APOBEC3H: variants seen among roughly 807,000 people sequenced by gnomAD.
APOBEC3H encodes the protein apolipoprotein B mRNA editing enzyme catalytic subunit 3H, also known as DNA dC->dU-editing enzyme APOBEC-3H.
In APOBEC3H, 8 loss-of-function variants were observed where a neutral mutation model predicts 21.2. That is an observed-to-expected ratio of 0.38 (90% CI 0.22 to 0.68). The LOEUF (loss-of-function observed/expected upper bound fraction) is 0.68. Among genes scored for constraint, APOBEC3H ranks in the 30% least tolerant of loss-of-function variants. The pLI is 0.52. For synonymous variants in APOBEC3H, 88 were observed against 91.0 expected, an observed-to-expected ratio of 0.97 and a Z score of 0.19; for missense variants, 229 against 228.1, an observed-to-expected ratio of 1.00 and a Z score of -0.03.
intron 1 of APOBEC3H, among the ~76,000 whole-genome samples, chr22:39,099,756 G>C (rs1247227967): frequency 6.6e-6 from 1 of 152,134 alleles, no homozygotes; most frequent in Non-Finnish European, 1.5e-5. Context: ...AGGTGGGAGG[G>C]AGCACTCCCC....
chr22:39,100,356 GA>G lies in APOBEC3H; in HGVS notation c.80del (p.Lys27ArgfsTer8). The G allele has an allele frequency of 1.2e-6, 2 of 1,614,102 alleles. No individual in the cohort carries two copies. Among genetic ancestry groups the G allele is most frequent in the Non-Finnish European group, 1.7e-6 (2 of 1,179,976 alleles). On this transcript the variant is annotated frameshift_variant, in exon 2 of 5. Coordinates refer to ENST00000442487, the MANE Select transcript of APOBEC3H (RefSeq NM_181773.5). LOFTEE classifies it high-confidence loss of function. ...RRLRRPYYPR[K>X]ALLCYQLTPQ... is the part of the protein sequence containing the mutation. Reference sequence around the variant, plus strand: ...GCCTCAGAAGGCCTTACTACCCGAGGAAGGCCCTCTTGTGTTACCAGCTGAC... The same window carrying G: ...GCCTCAGAAGGCCTTACTACCCGAGGAGGCCCTCTTGTGTTACCAGCTGAC...
intron 3 of APOBEC3H, 104 bp downstream of exon 3, chr22:39,101,608 GC>G: frequency 2.6e-6 from 1 of 388,826 alleles, no homozygotes; most frequent in South Asian, 2.1e-5. Context: ...TTGGCGGGGG[GC>G]GGGGGCGGGT....
At chr22:39,103,580 G>C in intron 4 of APOBEC3H, 109 bp from the exon 5 acceptor site, 2 of 1,200,276 alleles carry the variant, frequency 1.7e-6, no homozygotes, top group Non-Finnish European at 2.5e-6. Flanking sequence ...GGGCCCTTCT[G>C]GTGCCAGTTC....
Position 39,101,954 on chromosome 22 carries a change from A to G in APOBEC3H, c.455A>G (p.Glu152Gly), listed in dbSNP as rs545231426. 2.2e-5 allele frequency: 35 copies of G among 1,613,868 alleles called. No individual in the cohort carries two copies. In the South Asian group the frequency reaches 3.5e-4, roughly 16 times the overall value. The change falls in exon 4 of 5, where the codon GAG (glutamate) becomes GGG (glycine). Residue 152 changes from glutamate (E) to glycine (G), a missense_variant. By Grantham distance (98) the Glu-to-Gly change is moderately conservative. Transcript: ENST00000442487. The part of the protein sequence containing the change: ...ADCWENFVDH[E>G]KPLSFNPYKM... ...TGCTGGGAAAACTTTGTGGACCACG[A>G]GAAACCGCTTTCCTTCAACCCCTAT...
intron 1 of APOBEC3H, among the ~76,000 whole-genome samples, chr22:39,097,559 C>G (rs1239322953): frequency 1.3e-5 from 2 of 152,242 alleles, no homozygotes; most frequent in African/African-American, 4.8e-5. Context: ...CGGCCTGCAC[C>G]AGCCCAAGAC....
intron 3 of APOBEC3H, among the ~76,000 whole-genome samples, 172 bp from the exon 4 acceptor site, chr22:39,101,746 G>A (rs1929365920): frequency 6.6e-6 from 1 of 150,500 alleles, no homozygotes; most frequent in Admixed American, 6.6e-5. Flanking sequence ...GGCCAGGAAG[G>A]AAGGATTGTG....
intron 4 of APOBEC3H, chr22:39,102,724 A>C: frequency 1.7e-6 from 1 of 576,024 alleles, no homozygotes; most frequent in South Asian, 1.9e-5. Flanking sequence ...TAACTCGGCC[A>C]GGCACAGTGG....
rs1929505360 is a variant in APOBEC3H at position 39,103,865 on chromosome 22, C to T, written c.*168C>T. On this transcript the variant is annotated 3_prime_UTR_variant, in exon 5 of 5. Transcript: ENST00000442487. ...GCTCCACAGTGCCAGTTCCTTGCCC[C>T]AACCTGGCCCCATCCAAGTACAGAA... The T allele has an allele frequency of 1.2e-6, 1 of 815,516 alleles. No individual in the cohort carries two copies. The highest frequency in any genetic ancestry group is 1.9e-5 in the Admixed American group (1 of 52,412). The allele number at this position is 815,516 out of a possible 1,614,324, so 50.5% of individuals were successfully genotyped here.
At chr22:39,100,610 C>T (rs1929257889) in intron 2 of APOBEC3H, 182 bp downstream of exon 2, 1 of 750,338 alleles carries the variant, frequency 1.3e-6, no homozygotes, top group Non-Finnish European at 2.1e-6. Context: ...GCCCAGTTTC[C>T]CTAGGACACT....
At chr22:39,101,814 C>T in intron 3 of APOBEC3H, 104 bp from the exon 4 acceptor site, 12 of 1,556,334 alleles carry the variant, frequency 7.7e-6, no homozygotes, top group Non-Finnish European at 1.1e-5. Context: ...CCAGACAGAG[C>T]AATGTCCAGG....
intron 4 of APOBEC3H, 55 bp from the exon 5 acceptor site, chr22:39,103,634 C>T (rs1312039241): frequency 6.3e-7 from 1 of 1,575,372 alleles, no homozygotes; most frequent in African/African-American, 1.4e-5. Flanking sequence ...CCCTCCCTTC[C>T]TCCCTGTGGT....
intron 1 of APOBEC3H, among the ~76,000 whole-genome samples, chr22:39,097,657 C>T (rs563403574): frequency 6.6e-6 from 1 of 152,342 alleles, no homozygotes; most frequent in East Asian, 1.9e-4. Context: ...TCCTGCCATT[C>T]CTGGGCTCTG....
chr22:39,100,425 C>A lies in APOBEC3H; in HGVS notation c.147C>A (p.Asn49Lys), dbSNP rs771641702. 4.3e-6 allele frequency: 7 copies of A among 1,613,182 alleles called. No individual in the cohort carries two copies. In the African/African-American group the frequency reaches 9.3e-5, roughly 22 times the overall value. The change falls in exon 2 of 5, where the codon AAC becomes AAA. Residue 49 changes from asparagine to lysine, a missense_variant. Coordinates refer to ENST00000442487, the MANE Select transcript of APOBEC3H (RefSeq NM_181773.5). ...GSTPTRGYFE[N>K]KKKCHAEICF... ...CGCCCACGAGAGGCTACTTTGAAAA[C>A]AAGGTGCCACACGGGCTCTCTGGGC...
chr22:39,101,290 G>T lies in APOBEC3H; in HGVS notation c.204G>T (p.Leu68=). 1.9e-6 allele frequency: 3 copies of T among 1,613,648 alleles called. No individual in the cohort carries two copies. The highest frequency in any genetic ancestry group is 2.5e-6 in the Non-Finnish European group (3 of 1,179,934). Residue 68 remains leucine, a synonymous_variant, in exon 3 of 5, where the codon CTG becomes CTT. Transcript: ENST00000442487. ...CFINEIKSMG[L]DETQCYQVTC... ...TTAACGAGATCAAGTCCATGGGACTGGACGAAACGCAGTGCTACCAAGTCA... is the reference window on the plus strand; with the variant it reads ...TTAACGAGATCAAGTCCATGGGACTTGACGAAACGCAGTGCTACCAAGTCA...
intron 4 of APOBEC3H, among the ~76,000 whole-genome samples, chr22:39,103,313 T>C (rs1929478679): frequency 6.6e-6 from 1 of 152,008 alleles, no homozygotes; most frequent in Admixed American, 6.6e-5. Context: ...CCAAGATGAA[T>C]TAAAGACTTA....
chr22:39,102,113 T>C, intron 4 of APOBEC3H, 71 bp downstream of exon 4: 1 of 1,571,462 alleles, frequency 6.4e-7, no homozygotes, highest in Non-Finnish European at 8.6e-7. Flanking sequence ...CAGTCACACC[T>C]CTGCCCACTG....
At chr22:39,097,609 G>C (rs565075498) in intron 1 of APOBEC3H, among the ~76,000 whole-genome samples, 61 of 152,364 alleles carry the variant, frequency 4.0e-4, no homozygotes, top group African/African-American at 1.4e-3. Context: ...GGCTGGGCTA[G>C]TGCTCCCCAC....
At chr22:39,101,144 A>AC in intron 2 of APOBEC3H, 93 bp from the exon 3 acceptor site, 47 of 36,626 alleles carry the variant, frequency 1.3e-3, no homozygotes, top group South Asian at 3.7e-3. Context: ...CTGCCCCCCC[A>AC]TCCCCGCCCC....
intron 4 of APOBEC3H, chr22:39,102,665 A>G (rs1929439010): frequency 2.9e-6 from 2 of 680,496 alleles, no homozygotes. Flanking sequence ...TCCAGCGTCT[A>G]TTATTTACAT....
Sources: allele counts gnomAD v4.1 joint callset (sites outside exome capture counted in the v4.1 genomes callset), GRCh38; gene constraint gnomAD v4.1.1; transcripts MANE v1.5; gene names NCBI Gene and HGNC (gene_info 2026-07-23, HGNC 2026-07-21).